Variants in NBAS observed in about 807,000 individuals in gnomAD.
NBAS encodes the protein NBAS subunit of NRZ tethering complex, also known as NAG/BC035112 fusion.
In NBAS, 219 loss-of-function variants were observed where a neutral mutation model predicts 302.5. The ratio of observed to expected loss-of-function variants is 0.72; its 90% CI spans 0.65 to 0.81. NBAS has a LOEUF of 0.81. Among genes scored for constraint, NBAS ranks in the 30% least tolerant of loss-of-function variants. NBAS has a pLI of 0.00. For missense variants in NBAS, 2,932 were observed against 2,841.6 expected (o/e 1.03, Z -0.72); for synonymous variants, 1,118 against 1,021.6 (o/e 1.09, Z -1.80).
At position 15,475,735 on chromosome 2, in the gene NBAS, T is replaced by C. The variant is rs747385263; in HGVS notation, c.1293A>G (p.Pro431=). Residue 431 remains proline (P), a synonymous_variant, in exon 14 of 52, where the codon CCA becomes CCG. Coordinates refer to ENST00000281513, the MANE Select transcript of NBAS (RefSeq NM_015909.4). ...CATGGGTAGCAGTGACTTGAGGTGA[T>C]GGTTCAAACCATTCACAGGATTTTC... is the stretch of plus-strand genomic sequence containing the variant. ...LLGKSCEWFE[P]SPQVTATHDG... 7 of 1,614,152 alleles carry C rather than the reference T, an allele frequency of 4.3e-6. No individual in the cohort carries two copies. The highest frequency in any genetic ancestry group is 5.9e-6 in the Non-Finnish European group (7 of 1,179,992).
At chr2:15,189,563 CCCAGT>C (rs76996803) in intron 49 of NBAS, among the ~76,000 whole-genome samples, 41,219 of 151,670 alleles carry the variant, frequency 0.27, 6,864 homozygotes, top group East Asian at 0.64. Context: ...GCTCATGAGA[CCCAGT>C]CCATGAGCTC....
At chr2:14,786,397 CT>C in the NBAS span, among the ~76,000 whole-genome samples, 1 of 152,098 alleles carries the variant, frequency 6.6e-6, no homozygotes, top group Admixed American at 6.5e-5. Context: ...TTTTCCAGTT[CT>C]TTTAATTGTG....
At chr2:14,786,444 C>A in the NBAS span, among the ~76,000 whole-genome samples, 4 of 152,130 alleles carry the variant, frequency 2.6e-5, no homozygotes, top group African/African-American at 9.7e-5. Context: ...TTCCTGCTTT[C>A]TCCTGTGGGT....
intron 11 of NBAS, among the ~76,000 whole-genome samples, chr2:15,500,758 TA>T (rs923781661): frequency 6.7e-6 from 1 of 148,676 alleles, no homozygotes; most frequent in Non-Finnish European, 1.5e-5. Flanking sequence ...CTGTCTCTAC[TA>T]AAAAAATACA....
chr2:14,951,121 C>T, the NBAS span, among the ~76,000 whole-genome samples: 1 of 152,186 alleles, frequency 6.6e-6, no homozygotes. Flanking sequence ...TAGATTTATA[C>T]CACTTTGCCT....
intron 47 of NBAS, among the ~76,000 whole-genome samples, chr2:15,223,398 G>A (rs1041492141): frequency 1.3e-4 from 19 of 151,942 alleles, no homozygotes; most frequent in African/African-American, 3.1e-4. Context: ...GTAAAAAACC[G>A]CAATTATAAC....
At chr2:14,978,247 T>C in the NBAS span, among the ~76,000 whole-genome samples, 28 of 152,220 alleles carry the variant, frequency 1.8e-4, no homozygotes, top group African/African-American at 3.6e-4. Context: ...ATCTCTACTA[T>C]GGAATTTTTT....
the NBAS span, among the ~76,000 whole-genome samples, chr2:14,883,838 A>G: frequency 6.6e-5 from 10 of 152,040 alleles, no homozygotes; most frequent in African/African-American, 2.2e-4. Context: ...GCACACTCCT[A>G]TAGTCCTAGC....
intron 10 of NBAS, among the ~76,000 whole-genome samples, chr2:15,510,190 T>G (rs115431532): frequency 6.6e-6 from 1 of 152,208 alleles, no homozygotes; most frequent in African/African-American, 2.4e-5. Flanking sequence ...AACTAAGACA[T>G]GCAAGACTGC....
chr2:15,201,641 AT>A (rs1269769368), intron 48 of NBAS, among the ~76,000 whole-genome samples: 2 of 152,224 alleles, frequency 1.3e-5, no homozygotes, highest in Admixed American at 1.3e-4. Flanking sequence ...GATATGTTCT[AT>A]TTTTGTTCAT....
chr2:15,214,668 T>C lies in NBAS; in HGVS notation c.6432+4105A>G, dbSNP rs189630572. 1.3e-4 allele frequency among the ~76,000 whole-genome samples: 20 copies of C among 152,290 alleles called. No individual in the cohort carries two copies. The East Asian group carries it at 3.9e-3, about 29-fold the overall frequency. ...CAGTGAGTCTTAGCTTTGAAGACAT[T>C]TAAGGTAACAGTAAATTACTTGTAA... On this transcript the variant is annotated intron_variant, in intron 48 of 51. Coordinates refer to ENST00000281513, the MANE Select transcript of NBAS (RefSeq NM_015909.4).
At chr2:15,131,207 T>C in the NBAS span, among the ~76,000 whole-genome samples, 2 of 152,198 alleles carry the variant, frequency 1.3e-5, no homozygotes, top group Non-Finnish European at 2.9e-5. Flanking sequence ...AAAAAAATTT[T>C]AAATGAGTGG....
At chr2:15,528,887 A>ATATATATGTGTGTAT (rs1173987792) in intron 9 of NBAS, among the ~76,000 whole-genome samples, 1 of 144,398 alleles carries the variant, frequency 6.9e-6, no homozygotes, top group Non-Finnish European at 1.5e-5. Flanking sequence ...AAATATATAT[A>ATATATATGTGTGTAT]TATATATATA....
chr2:15,448,027 C>T (rs1367245652), intron 21 of NBAS, among the ~76,000 whole-genome samples: 1 of 152,164 alleles, frequency 6.6e-6, no homozygotes, highest in Non-Finnish European at 1.5e-5. Context: ...ACTCCTTTCT[C>T]TCTCAAGCCT....
At chr2:15,093,363 C>A in the NBAS span, among the ~76,000 whole-genome samples, 13 of 152,212 alleles carry the variant, frequency 8.5e-5, no homozygotes, top group Admixed American at 3.9e-4. Flanking sequence ...TTGCAGTGAG[C>A]CGAGATCATG....
the NBAS span, among the ~76,000 whole-genome samples, chr2:14,888,999 C>T: frequency 6.6e-6 from 1 of 152,312 alleles, no homozygotes. Context: ...GTCCTCTGTT[C>T]GGAACTCCCT....
In NBAS at chr2:15,360,643, A is replaced by T. The variant is rs561004800; in HGVS notation, c.3818-4227T>A. Among the ~76,000 whole-genome samples, 10 of 135,742 alleles carry T rather than the reference A, an allele frequency of 7.4e-5. No homozygotes were observed. The South Asian group carries it at 1.7e-3, about 22-fold the overall frequency. 89.1% of individuals were successfully genotyped at this position (135,742 alleles called of 152,430 possible). ...GGGATTAGAAGTCTGAGCCGCCATG[A>T]CCAGCCTTTTTTTTTTTTTTTTTTT... On this transcript the variant is annotated intron_variant, in intron 32 of 51. Coordinates refer to ENST00000281513, the MANE Select transcript of NBAS (RefSeq NM_015909.4).
chr2:15,005,287 C>T, the NBAS span, among the ~76,000 whole-genome samples: 1 of 152,194 alleles, frequency 6.6e-6, no homozygotes, highest in Non-Finnish European at 1.5e-5. Flanking sequence ...ACTCCCCTTA[C>T]TCGCTCCCCA....
Position 15,167,135 on chromosome 2 carries a change from G to A in NBAS, c.7029C>T (p.Ala2343=), listed in dbSNP as rs549511661. 8.1e-6 allele frequency: 13 copies of A among 1,614,202 alleles called. No homozygotes were observed. Among genetic ancestry groups the A allele is most frequent in the African/African-American group, 4.0e-5 (3 of 75,054 alleles). Residue 2343 remains alanine (A), a synonymous_variant, in exon 52 of 52, where the codon GCC becomes GCT. Coordinates refer to ENST00000281513, the MANE Select transcript of NBAS (RefSeq NM_015909.4). ...HLREAGHEAE[A]GSLLLAVRGT... ...CCCTCACGGCCAGAAGGAGAGACCC[G>A]GCTTCGGCTTCATGGCCGGCCTCCC...
Sources: gnomAD v4.1 joint callset for allele counts (sites outside exome capture counted in the v4.1 genomes callset) on GRCh38, gnomAD v4.1.1 for gene constraint, MANE v1.5 for transcripts, NCBI Gene and HGNC (gene_info 2026-07-23, HGNC 2026-07-21) for gene names.